Variants in RERG observed in about 807,000 individuals in gnomAD.
RERG encodes the protein RAS like estrogen regulated growth inhibitor.
Under a neutral mutation model 23.2 loss-of-function variants are expected in RERG, and 25 were observed. The ratio of observed to expected loss-of-function variants is 1.08; its 90% CI spans 0.79 to 1.50. The LOEUF (loss-of-function observed/expected upper bound fraction) is 1.50. Among genes scored for constraint, RERG ranks in the 40% most tolerant of loss-of-function variants. The pLI is 0.00. For missense variants in RERG, 253 were observed against 250.1 expected, an observed-to-expected ratio of 1.01 and a Z score of -0.08; for synonymous variants, 81 against 89.1, an observed-to-expected ratio of 0.91 and a Z score of 0.51.
At chr12:15,141,757 A>G (rs1465241010) in intron 2 of RERG, among the ~76,000 whole-genome samples, 1 of 152,210 alleles carries the variant, frequency 6.6e-6, no homozygotes, top group Non-Finnish European at 1.5e-5. Flanking sequence ...GGAAGTGATG[A>G]CTTACAAGCT....
At position 15,108,993 on chromosome 12, in the gene RERG, G is replaced by C. The variant is rs1465971497; in HGVS notation, c.*117C>G. The C allele has an allele frequency of 9.1e-6, 10 of 1,098,400 alleles. No homozygotes were observed. Among genetic ancestry groups the C allele is most frequent in the African/African-American group, 1.6e-5 (1 of 63,470 alleles). 68.0% of individuals were successfully genotyped at this position (1,098,400 alleles called of 1,614,324 possible). The stretch of plus-strand genomic sequence containing the variant: ...ACCTATTAGAGGCCAGAAACAATGG[G>C]AAGCCCAGACATTTCTCAGAATCCA... On this transcript the variant is annotated 3_prime_UTR_variant, in exon 5 of 5. Transcript: ENST00000256953.
rs553265891 is a variant in RERG at position 15,185,525 on chromosome 12, A to G, written c.61+31904T>C. On this transcript the variant is annotated intron_variant, in intron 2 of 4. Coordinates refer to ENST00000256953, the MANE Select transcript of RERG (RefSeq NM_032918.3). ...GAAGACACCTCAGTTAGTGTCAAGAAACACTCCAACCTGTATGAAAGTAAT... is the reference window on the plus strand; with the variant it reads ...GAAGACACCTCAGTTAGTGTCAAGAGACACTCCAACCTGTATGAAAGTAAT... 4.6e-5 allele frequency among the ~76,000 whole-genome samples: 7 copies of G among 152,224 alleles called. No individual in the cohort carries two copies. In the South Asian group the frequency reaches 1.2e-3, roughly 27 times the overall value.
At chr12:15,129,962 G>A (rs1188911260) in intron 2 of RERG, among the ~76,000 whole-genome samples, 1 of 152,156 alleles carries the variant, frequency 6.6e-6, no homozygotes, top group African/African-American at 2.4e-5. Context: ...TGAAATAAAA[G>A]TCTGGGGGTA....
chr12:15,204,966 G>T (rs1415580113), intron 2 of RERG, among the ~76,000 whole-genome samples: 1 of 151,800 alleles, frequency 6.6e-6, no homozygotes, highest in Non-Finnish European at 1.5e-5. Context: ...GCTTAATTGT[G>T]TATCTACATC....
intron 2 of RERG, among the ~76,000 whole-genome samples, chr12:15,195,408 G>A (rs1157476257): frequency 6.6e-6 from 1 of 152,144 alleles, no homozygotes; most frequent in African/African-American, 2.4e-5. Context: ...AGAGGCCATT[G>A]TTAATCTTTG....
intron 3 of RERG, 85 bp downstream of exon 3, chr12:15,120,978 A>T (rs1863819890): frequency 9.7e-7 from 1 of 1,028,552 alleles, no homozygotes; most frequent in Non-Finnish European, 1.5e-6. Context: ...AAAGGAGCTT[A>T]AAAATGTTGC....
At position 15,148,887 on chromosome 12, in the gene RERG, T is replaced by TTTTTTTTTTTTTTTTTTTTTG. The variant is rs1156302513; in HGVS notation, c.62-27769_62-27768insCAAAAAAAAAAAAAAAAAAAA. 5.8e-5 allele frequency among the ~76,000 whole-genome samples: 4 copies of TTTTTTTTTTTTTTTTTTTTTG among 69,474 alleles called. 2 individuals carry two copies. Among genetic ancestry groups the TTTTTTTTTTTTTTTTTTTTTG allele is most frequent in the Non-Finnish European group, 1.2e-4 (4 of 32,654 alleles). 45.6% of individuals were successfully genotyped at this position (69,474 alleles called of 152,430 possible). A position where few individuals can be genotyped will look rare whatever the true frequency, so the allele number is the denominator to read the frequency against. Reference sequence around the variant, plus strand: ...TTTTTTTTTTTTTTTTTTTTTTTTTTAGACAGAGTCTAGCTCTGTCACCCA... The same window carrying TTTTTTTTTTTTTTTTTTTTTG: ...TTTTTTTTTTTTTTTTTTTTTTTTTTTTTTTTTTTTTTTTTTTTTTGAGACAGAGTCTAGCTCTGTCACCCA... On this transcript the variant is annotated intron_variant, in intron 2 of 4. Coordinates refer to ENST00000256953, the MANE Select transcript of RERG (RefSeq NM_032918.3).
chr12:15,119,297 T>C (rs1342694949), intron 3 of RERG, among the ~76,000 whole-genome samples: 1 of 152,162 alleles, frequency 6.6e-6, no homozygotes, highest in Non-Finnish European at 1.5e-5. Context: ...AGCAGTTTTT[T>C]TTTCAGATGA....
chr12:15,137,847 T>A, intron 2 of RERG: 1 of 442,392 alleles, frequency 2.3e-6, no homozygotes, highest in South Asian at 1.6e-5. Context: ...ATTACCTTTT[T>A]CTGTAATGCT....
At chr12:15,149,391 A>T (rs1306102537) in intron 2 of RERG, among the ~76,000 whole-genome samples, 1 of 152,162 alleles carries the variant, frequency 6.6e-6, no homozygotes, top group Non-Finnish European at 1.5e-5. Context: ...AAGCCAAAAA[A>T]ATGTATCCAC....
intron 2 of RERG, among the ~76,000 whole-genome samples, chr12:15,196,786 AG>A (rs2136138288): frequency 6.6e-6 from 1 of 152,282 alleles, no homozygotes; most frequent in African/African-American, 2.4e-5. Flanking sequence ...TAGAGAGGAA[AG>A]GCTATTCTTA....
intron 2 of RERG, among the ~76,000 whole-genome samples, chr12:15,133,081 C>T (rs1410809815): frequency 1.5e-5 from 2 of 129,780 alleles, no homozygotes; most frequent in African/African-American, 5.8e-5. Flanking sequence ...TACATTGATA[C>T]ATTATTATTA....
chr12:15,143,326 ATGTAAATATATACATACACACATG>A (rs1864270015), intron 2 of RERG, among the ~76,000 whole-genome samples: 8 of 19,908 alleles, frequency 4.0e-4, no homozygotes, highest in African/African-American at 6.9e-4. Flanking sequence ...ACACGTGTGT[ATGTAAATATATACATACACACATG>A]TGTGTATGTA....
chr12:15,145,692 G>C (rs539506231), intron 2 of RERG, among the ~76,000 whole-genome samples: 1 of 152,364 alleles, frequency 6.6e-6, no homozygotes, highest in South Asian at 2.1e-4. Context: ...AAGACTTCCA[G>C]TGCTAGGCGT....
intron 2 of RERG, among the ~76,000 whole-genome samples, chr12:15,208,484 T>C (rs1865322695): frequency 6.6e-6 from 1 of 152,214 alleles, no homozygotes; most frequent in Non-Finnish European, 1.5e-5. Flanking sequence ...CAACATAGTC[T>C]AATTCAAATT....
At chr12:15,117,659 C>T (rs1387784203) in intron 3 of RERG, among the ~76,000 whole-genome samples, 2 of 138,862 alleles carry the variant, frequency 1.4e-5, no homozygotes, top group African/African-American at 5.5e-5. Context: ...TCTCCAAATG[C>T]CTCCATCACA....
chr12:15,171,842 A>G (rs1286611977), intron 2 of RERG, among the ~76,000 whole-genome samples: 1 of 152,206 alleles, frequency 6.6e-6, no homozygotes, highest in Non-Finnish European at 1.5e-5. Context: ...ATATATTAAT[A>G]ACGAGAATCA....
intron 2 of RERG, among the ~76,000 whole-genome samples, chr12:15,205,562 T>G (rs937863537): frequency 1.3e-5 from 2 of 152,094 alleles, no homozygotes; most frequent in African/African-American, 2.4e-5. Context: ...AAACTCAACA[T>G]GTGTTGCCAA....
intron 2 of RERG, among the ~76,000 whole-genome samples, chr12:15,156,343 C>T (rs1473983442): frequency 6.6e-6 from 1 of 152,078 alleles, no homozygotes; most frequent in Non-Finnish European, 1.5e-5. Flanking sequence ...GTTCACAGAC[C>T]CCCTGAAATC....
Sources: gnomAD v4.1 joint callset for allele counts (sites outside exome capture counted in the v4.1 genomes callset) on GRCh38, gnomAD v4.1.1 for gene constraint, MANE v1.5 for transcripts, NCBI Gene and HGNC (gene_info 2026-07-23, HGNC 2026-07-21) for gene names.